SMNDC1: variants seen among roughly 807,000 people sequenced by gnomAD.
SMNDC1 encodes the protein survival motor neuron domain containing 1.
Under a neutral mutation model 29.2 loss-of-function variants are expected in SMNDC1, and 5 were observed. That is an observed-to-expected ratio of 0.17 (90% CI 0.09 to 0.36). The LOEUF (loss-of-function observed/expected upper bound fraction) is 0.36. SMNDC1 is among the 10% of genes least tolerant of loss of function. The pLI is 1.00. For synonymous variants in SMNDC1, 80 were observed against 89.9 expected, an observed-to-expected ratio of 0.89 and a Z score of 0.62; for missense variants, 142 against 268.5, an observed-to-expected ratio of 0.53 and a Z score of 3.29.
At chr10:110,303,791 A>G in intron 1 of SMNDC1, 1 of 506,702 alleles carries the variant, frequency 2.0e-6, no homozygotes. Flanking sequence ...TGAGGATTAT[A>G]AACTTGAGAT....
At chr10:110,300,580 C>A (rs751734609) in intron 2 of SMNDC1, 5 of 985,446 alleles carry the variant, frequency 5.1e-6, no homozygotes, top group Non-Finnish European at 6.0e-6. Flanking sequence ...AGTCTGAGTT[C>A]TGAAACTGCT....
In SMNDC1 at chr10:110,303,564, C is replaced by G; in HGVS notation, c.24G>C (p.Gln8His). 1.3e-6 allele frequency: 2 copies of G among 1,584,248 alleles called. No individual in the cohort carries two copies. The highest frequency in any genetic ancestry group is 1.7e-6 in the Non-Finnish European group (2 of 1,169,186). Residue 8 changes from glutamine (Q) to histidine (H), a missense_variant, in exon 2 of 6, where the codon CAG becomes CAC. Physicochemically the swap from Gln to His is conservative, Grantham distance 24. Around this residue, in one of 4 missense-constraint regions of SMNDC1, gnomAD observed 20 missense variants for 21.4 expected, o/e 0.93. Coordinates refer to ENST00000369603, the MANE Select transcript of SMNDC1 (RefSeq NM_005871.4). Reference protein sequence around the residue: MSEDLAKQLASYKAQLQQ... With the variant: MSEDLAKHLASYKAQLQQ... ...GGAGCTGAGCTTTGTAGCTTGCCAG[C>G]TGCTTTGCTAAATCCTCTGACATCT...
In SMNDC1 at chr10:110,304,816, GGCAGCA is replaced by G. The variant is rs1272409561; in HGVS notation, c.-75_-70del. ...AAATGAGCCCAGTGGTAGTGGCGGT[GGCAGCA>G]GCAGCAGTAGCAGTAGCAGGAAAAT... On this transcript the variant is annotated 5_prime_UTR_variant, in exon 1 of 6. Transcript: ENST00000369603. 6.5e-6 allele frequency: 1 copy of G among 153,250 alleles called. No individual in the cohort carries two copies. Among genetic ancestry groups the G allele is most frequent in the Non-Finnish European group, 1.5e-5 (1 of 68,886 alleles). 9.5% of individuals were successfully genotyped at this position (153,250 alleles called of 1,614,324 possible). A position where few individuals can be genotyped will look rare whatever the true frequency, so the allele number is the denominator to read the frequency against.
chr10:110,303,662 T>C (rs1472003789), intron 1 of SMNDC1, 75 bp from the exon 2 acceptor site: 2 of 1,465,028 alleles, frequency 1.4e-6, no homozygotes, highest in East Asian at 5.1e-5. Context: ...CTCCCCTGTC[T>C]GCCTGAATTA....
intron 2 of SMNDC1, among the ~76,000 whole-genome samples, chr10:110,302,066 G>A (rs981363535): frequency 1.3e-5 from 2 of 152,100 alleles, no homozygotes; most frequent in African/African-American, 2.4e-5. Flanking sequence ...CCTAAAAAAG[G>A]ACTGCTTAAG....
chr10:110,303,268 CAAAG>C (rs908164236), intron 2 of SMNDC1, among the ~76,000 whole-genome samples, 196 bp downstream of exon 2: 1 of 152,090 alleles, frequency 6.6e-6, no homozygotes, highest in Non-Finnish European at 1.5e-5. Context: ...ATTTATATAA[CAAAG>C]AACAATATTT....
Position 110,290,794 on chromosome 10 carries a change from C to T in SMNDC1, c.*3356G>A, listed in dbSNP as rs531052659. 6.6e-6 allele frequency: 1 copy of T among 152,016 alleles called. No individual in the cohort carries two copies. Among genetic ancestry groups the T allele is most frequent in the South Asian group, 2.1e-4 (1 of 4,808 alleles). 9.4% of individuals were successfully genotyped at this position (152,016 alleles called of 1,614,324 possible). The stretch of plus-strand genomic sequence containing the variant: ...TCTTCCTTTATATTTCAGTTACTAC[C>T]CAAGTTAAAGCAAAAAGCTAAATCA... On this transcript the variant is annotated 3_prime_UTR_variant, in exon 6 of 6. Coordinates refer to ENST00000369603, the MANE Select transcript of SMNDC1 (RefSeq NM_005871.4).
At chr10:110,302,488 C>T (rs913990368) in intron 2 of SMNDC1, among the ~76,000 whole-genome samples, 1 of 152,082 alleles carries the variant, frequency 6.6e-6, no homozygotes, top group African/African-American at 2.4e-5. Context: ...ATCCCAAATC[C>T]GGACCCTATT....
At position 110,303,598 on chromosome 10, in the gene SMNDC1, T is replaced by C. The variant is rs747566584; in HGVS notation, c.1-11A>G. On this transcript the variant is annotated splice_polypyrimidine_tract_variant and intron_variant, in intron 1 of 5. Coordinates refer to ENST00000369603, the MANE Select transcript of SMNDC1 (RefSeq NM_005871.4). ...TAAATCCTCTGACATCTAGGGAAAA[T>C]AAAAAGGGTTAGACCATGAAAACTA... 1 of 1,575,142 alleles carries C rather than the reference T, an allele frequency of 6.3e-7. No individual in the cohort carries two copies. The highest frequency in any genetic ancestry group is 8.6e-7 in the Non-Finnish European group (1 of 1,167,110).
rs544455262 is a variant in SMNDC1, at chr10:110,301,096, G to C, written c.121-2306C>G. On this transcript the variant is annotated intron_variant, in intron 2 of 5. Coordinates refer to ENST00000369603, the MANE Select transcript of SMNDC1 (RefSeq NM_005871.4). ...ACTGGGATAAGGATCTAATTCTATA[G>C]AGGAACACAAGAAATTAGAAACCAT... 3.9e-5 allele frequency among the ~76,000 whole-genome samples: 6 copies of C among 152,338 alleles called. No individual in the cohort carries two copies. The South Asian group carries it at 1.2e-3, about 32-fold the overall frequency.
chr10:110,299,082 G>A (rs1168285532), intron 2 of SMNDC1, among the ~76,000 whole-genome samples: 1 of 152,104 alleles, frequency 6.6e-6, no homozygotes, highest in Non-Finnish European at 1.5e-5. Flanking sequence ...ATTTCTAAGT[G>A]CCTATTTTAG....
intron 1 of SMNDC1, 55 bp downstream of exon 1, chr10:110,304,693 C>T (rs776667075): frequency 6.6e-6 from 1 of 150,746 alleles, no homozygotes; most frequent in Non-Finnish European, 1.5e-5. Context: ...CGCTTCACCT[C>T]GGGAGGGACC....
intron 2 of SMNDC1, chr10:110,300,691 G>A: frequency 1.0e-6 from 1 of 985,412 alleles, no homozygotes; most frequent in Non-Finnish European, 1.2e-6. Flanking sequence ...GTGCACTCAA[G>A]CACTCTGCTT....
chr10:110,296,858 TA>T lies in SMNDC1; in HGVS notation c.425+708del, dbSNP rs1365273167. ...CTTGTACGTGCTCACCTCCCCCCTT[TA>T]AAAAAAATTTACTAAGCTCTTACTA... On this transcript the variant is annotated intron_variant, in intron 4 of 5. Coordinates refer to ENST00000369603, the MANE Select transcript of SMNDC1 (RefSeq NM_005871.4). Among the ~76,000 whole-genome samples the T allele has an allele frequency of 6.6e-5, 10 of 152,150 alleles. No individual in the cohort carries two copies. The East Asian group carries it at 1.9e-3, about 29-fold the overall frequency.
At chr10:110,302,380 G>T (rs1462425781) in intron 2 of SMNDC1, among the ~76,000 whole-genome samples, 1 of 152,196 alleles carries the variant, frequency 6.6e-6, no homozygotes, top group Non-Finnish European at 1.5e-5. Context: ...GATAGTTTGT[G>T]TGTGTTTAAA....
chr10:110,304,797 G>T lies in SMNDC1; in HGVS notation c.-50C>A. 1 of 153,616 alleles carries T rather than the reference G, an allele frequency of 6.5e-6. No homozygotes were observed. The allele number at this position is 153,616 out of a possible 1,614,324, so 9.5% of individuals were successfully genotyped here. The stretch of plus-strand genomic sequence containing the variant: ...GGCGGGAAGGGGTCGGGGCAAATGA[G>T]CCCAGTGGTAGTGGCGGTGGCAGCA... On this transcript the variant is annotated 5_prime_UTR_variant, in exon 1 of 6. Coordinates refer to ENST00000369603, the MANE Select transcript of SMNDC1 (RefSeq NM_005871.4).
In SMNDC1 at chr10:110,304,904, A is replaced by C. The variant is rs1281330618; in HGVS notation, c.-157T>G. On this transcript the variant is annotated 5_prime_UTR_variant, in exon 1 of 6. Transcript: ENST00000369603. The stretch of plus-strand genomic sequence containing the variant: ...AAAAGGAAGAACTCGGTCGGCGGCG[A>C]GGGGGAAGGGAGGAACGCCGGGCAC... The C allele has an allele frequency of 6.6e-6, 1 of 152,192 alleles. No individual in the cohort carries two copies. Among genetic ancestry groups the C allele is most frequent in the Non-Finnish European group, 1.5e-5 (1 of 68,110 alleles). 9.4% of individuals were successfully genotyped at this position (152,192 alleles called of 1,614,324 possible). A position where few individuals can be genotyped will look rare whatever the true frequency, so the allele number is the denominator to read the frequency against.
intron 3 of SMNDC1, among the ~76,000 whole-genome samples, chr10:110,298,280 C>T (rs1358551738): frequency 2.0e-5 from 3 of 152,230 alleles, no homozygotes; most frequent in South Asian, 2.1e-4. Flanking sequence ...TGAGCCACCA[C>T]ACCCAGCGAA....
In SMNDC1 at chr10:110,303,749, A is replaced by G. The variant is rs939907702; in HGVS notation, c.1-162T>C. Reference sequence around the variant, plus strand: ...TACCTTTACTCTCAGTTTAGACTTCAGCTAAACCACAAACTTAAAGGCAAC... The same window carrying G: ...TACCTTTACTCTCAGTTTAGACTTCGGCTAAACCACAAACTTAAAGGCAAC... On this transcript the variant is annotated intron_variant, in intron 1 of 5. Coordinates refer to ENST00000369603, the MANE Select transcript of SMNDC1 (RefSeq NM_005871.4). The G allele has an allele frequency of 1.4e-5, 8 of 581,352 alleles. No homozygotes were observed. In the South Asian group the frequency reaches 2.0e-4, roughly 15 times the overall value. The allele number at this position is 581,352 out of a possible 1,614,324, so 36.0% of individuals were successfully genotyped here.
Sources: gnomAD v4.1 joint callset for allele counts (sites outside exome capture counted in the v4.1 genomes callset) on GRCh38, gnomAD v4.1.1 for gene constraint, gnomAD v4.1.1 regional missense constraint, MANE v1.5 for transcripts, NCBI Gene and HGNC (gene_info 2026-07-23, HGNC 2026-07-21) for gene names.